Variants in GLIS3 observed in about 807,000 individuals in gnomAD.
GLIS3 encodes the protein GLIS family zinc finger 3.
In GLIS3, 53 loss-of-function variants were observed where a neutral mutation model predicts 78.6. The ratio of observed to expected loss-of-function variants is 0.67; its 90% CI spans 0.54 to 0.85. The LOEUF (loss-of-function observed/expected upper bound fraction) is 0.85. Ranked by LOEUF, GLIS3 falls within the 40% of genes least tolerant of loss-of-function variation. The probability of loss-of-function intolerance (pLI) is 0.00; values close to 1 mark genes in which losing one functional copy is unlikely to be tolerated. For synonymous variants in GLIS3, 684 were observed against 509.9 expected (o/e 1.34, Z -4.60); for missense variants, 1,703 against 1,231.1 (o/e 1.38, Z -5.74).
the GLIS3 span, among the ~76,000 whole-genome samples, chr9:4,401,941 T>A: frequency 6.6e-6 from 1 of 152,138 alleles, no homozygotes; most frequent in Admixed American, 6.5e-5. Context: ...GCACTTTATA[T>A]TGTGGTGTGA....
chr9:3,992,022 C>G (rs1269022223), intron 4 of GLIS3, among the ~76,000 whole-genome samples: 1 of 152,134 alleles, frequency 6.6e-6, no homozygotes, highest in East Asian at 1.9e-4. Context: ...GACACTGTAT[C>G]TTAAGGCCAA....
chr9:4,059,804 T>TTGTGTGTGTGTGTGTGTGTGTG lies in GLIS3; in HGVS notation c.1710+57942_1710+57963dup, dbSNP rs138674422. Among the ~76,000 whole-genome samples, 380 of 107,470 alleles carry TTGTGTGTGTGTGTGTGTGTGTG rather than the reference T, an allele frequency of 3.5e-3. 2 individuals carry two copies. The highest frequency in any genetic ancestry group is 4.4e-3 in the Non-Finnish European group (219 of 49,452). The allele number at this position is 107,470 out of a possible 152,430, so 70.5% of individuals were successfully genotyped here. A position where few individuals can be genotyped will look rare whatever the true frequency, so the allele number is the denominator to read the frequency against. ...GGGCTTGTCACTTACTCAGCTTTAT[T>TTGTGTGTGTGTGTGTGTGTGTG]TGTGTGTGTGTGTGTGTGTGTGTGT... On this transcript the variant is annotated intron_variant, in intron 4 of 10. Transcript: ENST00000381971.
At chr9:4,333,144 G>A (rs1456940457) in intron 2 of GLIS3, among the ~76,000 whole-genome samples, 1 of 152,052 alleles carries the variant, frequency 6.6e-6, no homozygotes, top group African/African-American at 2.4e-5. Context: ...CTACTCAGAA[G>A]GCTGAAGCAG....
intron 9 of GLIS3, among the ~76,000 whole-genome samples, chr9:3,850,338 A>G (rs1819351684): frequency 6.6e-6 from 1 of 152,228 alleles, no homozygotes. Flanking sequence ...TGCTCATTTC[A>G]AATGTTATTA....
At chr9:4,483,877 G>T in the GLIS3 span, among the ~76,000 whole-genome samples, 1 of 152,262 alleles carries the variant, frequency 6.6e-6, no homozygotes, top group African/African-American at 2.4e-5. Flanking sequence ...GTAAGATAAT[G>T]ATGATAAGCC....
At chr9:4,426,187 C>T in the GLIS3 span, among the ~76,000 whole-genome samples, 1 of 152,156 alleles carries the variant, frequency 6.6e-6, no homozygotes. Flanking sequence ...CATCTGATTT[C>T]CTCCTTGGGA....
chr9:3,843,324 C>A (rs530011282), intron 9 of GLIS3, among the ~76,000 whole-genome samples: 4 of 152,290 alleles, frequency 2.6e-5, no homozygotes, highest in African/African-American at 9.6e-5. Flanking sequence ...TTTTTCCCTC[C>A]GAACCTCTGC....
intron 2 of GLIS3, among the ~76,000 whole-genome samples, chr9:4,269,231 C>T (rs112144019): frequency 2.9e-4 from 44 of 152,292 alleles, no homozygotes; most frequent in African/African-American, 1.1e-3. Context: ...AGATTTGTGA[C>T]CTTCTTTGCT....
chr9:3,824,385 C>CAAAACAAA lies in GLIS3; in HGVS notation c.*3879_*3886dup, dbSNP rs1344614594. 3 of 152,486 alleles carry CAAAACAAA rather than the reference C, an allele frequency of 2.0e-5. No individual in the cohort carries two copies. Among genetic ancestry groups the CAAAACAAA allele is most frequent in the Admixed American group, 2.0e-4 (3 of 15,288 alleles). 9.4% of individuals were successfully genotyped at this position (152,486 alleles called of 1,614,324 possible). On this transcript the variant is annotated 3_prime_UTR_variant, in exon 11 of 11. Transcript: ENST00000381971. ...AGTATGTAAGAGGCTGATGGTAAAA[C>CAAAACAAA]AAAACAAAAAAACAAACAAACAAAC...
chr9:4,266,783 TA>T (rs1233726118), intron 2 of GLIS3, among the ~76,000 whole-genome samples: 5 of 152,244 alleles, frequency 3.3e-5, no homozygotes, highest in African/African-American at 1.2e-4. Flanking sequence ...GAAAACAAAC[TA>T]TGCATCTGCA....
At chr9:3,946,918 G>T (rs1265729110) in intron 4 of GLIS3, among the ~76,000 whole-genome samples, 1 of 150,948 alleles carries the variant, frequency 6.6e-6, no homozygotes, top group Non-Finnish European at 1.5e-5. Context: ...TTTCGACCTT[G>T]CCCTGAGTTG....
At chr9:4,450,865 C>T in the GLIS3 span, among the ~76,000 whole-genome samples, 1 of 152,060 alleles carries the variant, frequency 6.6e-6, no homozygotes, top group Non-Finnish European at 1.5e-5. Flanking sequence ...AACATGGAAA[C>T]AAACAACTGG....
the GLIS3 span, among the ~76,000 whole-genome samples, chr9:4,389,977 A>T: frequency 6.6e-6 from 1 of 152,350 alleles, no homozygotes; most frequent in East Asian, 1.9e-4. Flanking sequence ...TGGAGAAGGG[A>T]ATTATTCACT....
At chr9:4,467,320 G>C in the GLIS3 span, among the ~76,000 whole-genome samples, 47 of 152,310 alleles carry the variant, frequency 3.1e-4, no homozygotes, top group East Asian at 4.0e-3. Context: ...TCTGAGAACG[G>C]ACAGACTGCC....
chr9:3,870,449 G>T lies in GLIS3; in HGVS notation c.2297+8978C>A, dbSNP rs569386440. ...TATATTAGTCTGTTTTCATGCTGCTGTTAAAGACGTACCTGAGACTGGGCA... is the reference window on the plus strand; with the variant it reads ...TATATTAGTCTGTTTTCATGCTGCTTTTAAAGACGTACCTGAGACTGGGCA... On this transcript the variant is annotated intron_variant, in intron 8 of 10. Transcript: ENST00000381971. Among the ~76,000 whole-genome samples, 343 of 152,248 alleles carry T rather than the reference G, an allele frequency of 2.3e-3. 1 individual carries two copies. The highest frequency in any genetic ancestry group is 3.4e-3 in the Admixed American group (52 of 15,294).
chr9:3,912,155 G>GTC (rs1228584606), intron 6 of GLIS3, among the ~76,000 whole-genome samples: 1 of 152,130 alleles, frequency 6.6e-6, no homozygotes, highest in Non-Finnish European at 1.5e-5. Context: ...ATTACATGAG[G>GTC]TGACCTAAGG....
chr9:4,201,158 G>C (rs1024950424), intron 2 of GLIS3, among the ~76,000 whole-genome samples: 1 of 152,034 alleles, frequency 6.6e-6, no homozygotes, highest in East Asian at 1.9e-4. Flanking sequence ...AAAACCTCAA[G>C]AAACTAGGCA....
At chr9:4,111,791 G>A (rs1934661) in intron 4 of GLIS3, among the ~76,000 whole-genome samples, 36 of 152,140 alleles carry the variant, frequency 2.4e-4, no homozygotes, top group African/African-American at 6.5e-4. Context: ...CTGACAGACC[G>A]ATGCCTTGTG....
chr9:4,304,798 G>T (rs945302938), upstream of GLIS3, among the ~76,000 whole-genome samples: 8 of 152,148 alleles, frequency 5.3e-5, no homozygotes, highest in Non-Finnish European at 1.0e-4. Flanking sequence ...CTGCAAAGGG[G>T]TTTGAAAAAA....
Sources: allele counts gnomAD v4.1 joint callset (sites outside exome capture counted in the v4.1 genomes callset), GRCh38; gene constraint gnomAD v4.1.1; transcripts MANE v1.5; gene names NCBI Gene and HGNC (gene_info 2026-07-23, HGNC 2026-07-21).